The following AP2S1 variants were observed in gnomAD, a reference collection of about 807,000 sequenced individuals.
The protein encoded by AP2S1 is adaptor related protein complex 2 subunit sigma 1.
Under a neutral mutation model 21.0 loss-of-function variants are expected in AP2S1, and 6 were observed. The ratio of observed to expected loss-of-function variants is 0.29; its 90% CI spans 0.16 to 0.56. AP2S1 has a LOEUF of 0.56. AP2S1 is among the 20% of genes least tolerant of loss of function. The probability of loss-of-function intolerance (pLI) is 0.92; values close to 1 mark genes in which losing one functional copy is unlikely to be tolerated. For synonymous variants in AP2S1, 63 were observed against 74.6 expected (o/e 0.84, Z 0.80); for missense variants, 60 against 186.2 (o/e 0.32, Z 3.95).
intron 2 of AP2S1, among the ~76,000 whole-genome samples, chr19:46,842,711 C>T (rs1214471586): frequency 6.6e-6 from 1 of 152,152 alleles, no homozygotes; most frequent in Non-Finnish European, 1.5e-5. Flanking sequence ...ACACCCGACA[C>T]CCAGTTCCTC....
chr19:46,846,065 C>T lies in AP2S1; in HGVS notation c.81G>A (p.Glu27=). The T allele has an allele frequency of 6.2e-7, 1 of 1,614,144 alleles. No homozygotes were observed. The highest frequency in any genetic ancestry group is 1.1e-5 in the South Asian group (1 of 91,086). The change falls in exon 2 of 5, where the codon GAG becomes GAA. Residue 27 remains glutamate (E), a synonymous_variant. Coordinates refer to ENST00000263270, the MANE Select transcript of AP2S1 (RefSeq NM_004069.6). ...GCACCTCCTCGATCAGCTTCTGTTT[C>T]TCATCATCATCAAACTGCATGTACC... The part of the protein sequence containing the change: ...AKWYMQFDDD[E]KQKLIEEVHA...
chr19:46,843,260 A>G (rs1599767003), intron 2 of AP2S1, among the ~76,000 whole-genome samples: 1 of 152,062 alleles, frequency 6.6e-6, no homozygotes, highest in African/African-American at 2.4e-5. Context: ...TGGTCCGGTC[A>G]CCAGCATCTC....
At chr19:46,848,791 G>A (rs1053078450) in intron 1 of AP2S1, among the ~76,000 whole-genome samples, 4 of 152,118 alleles carry the variant, frequency 2.6e-5, no homozygotes, top group African/African-American at 9.7e-5. Flanking sequence ...TCGGTTCACT[G>A]CAACCTCTAC....
rs2055455822 is a variant in AP2S1 at position 46,838,671 on chromosome 19, T to C, written c.327+69A>G. ...GACCTCAGCAGAGGCTCCGGGTGGC[T>C]AGTGCACCACGGGTCCCCCCCGTCC... On this transcript the variant is annotated intron_variant, in intron 4 of 4. Transcript: ENST00000263270. The surrounding 1 kb of genome is among the most constrained non-coding windows in gnomAD (Gnocchi z 4.1). 6.3e-7 allele frequency: 1 copy of C among 1,579,328 alleles called. No individual in the cohort carries two copies. The highest frequency in any genetic ancestry group is 1.3e-5 in the African/African-American group (1 of 74,122).
rs374245663 is a variant in AP2S1 at position 46,838,577 on chromosome 19, C to T, written c.328-29G>A. ...TGTGAGGGGAGACCCTGGGGTGAGA[C>T]GAGGCCCCCCAGGATGCTGGCCCGG... On this transcript the variant is annotated intron_variant, in intron 4 of 4. Coordinates refer to ENST00000263270, the MANE Select transcript of AP2S1 (RefSeq NM_004069.6). The surrounding 1 kb of genome is among the most constrained non-coding windows in gnomAD (Gnocchi z 4.1). The T allele has an allele frequency of 4.2e-5, 68 of 1,612,186 alleles. No homozygotes were observed. In the Middle Eastern group the frequency reaches 1.2e-3, roughly 27 times the overall value.
intron 2 of AP2S1, 200 bp from the exon 3 acceptor site, chr19:46,839,778 A>C: frequency 4.9e-6 from 4 of 824,632 alleles, no homozygotes; most frequent in Non-Finnish European, 7.3e-6. Context: ...CATCCCCAGA[A>C]TGGACAGGAT....
chr19:46,843,007 T>G (rs1044654282), intron 2 of AP2S1, among the ~76,000 whole-genome samples: 1 of 152,078 alleles, frequency 6.6e-6, no homozygotes, highest in Non-Finnish European at 1.5e-5. Context: ...CCTGGACATC[T>G]CTGCTGGGAT....
chr19:46,842,296 C>T (rs958031643), intron 2 of AP2S1, among the ~76,000 whole-genome samples: 1 of 152,126 alleles, frequency 6.6e-6, no homozygotes, highest in African/African-American at 2.4e-5. Flanking sequence ...CAGGCTGGGT[C>T]AGGTGCCCTC....
intron 2 of AP2S1, among the ~76,000 whole-genome samples, chr19:46,843,884 T>C (rs1040649558): frequency 4.6e-5 from 7 of 152,008 alleles, no homozygotes; most frequent in African/African-American, 1.7e-4. Flanking sequence ...CAAGACCGTG[T>C]CTCTAAAAAA....
intron 2 of AP2S1, 159 bp downstream of exon 2, chr19:46,845,834 A>T: frequency 1.2e-6 from 1 of 864,662 alleles, no homozygotes; most frequent in South Asian, 1.8e-5. Flanking sequence ...AAGTACAAGT[A>T]AAGGAAGGGA....
At chr19:46,842,484 T>C (rs2055540549) in intron 2 of AP2S1, among the ~76,000 whole-genome samples, 2 of 152,104 alleles carry the variant, frequency 1.3e-5, no homozygotes, top group African/African-American at 4.8e-5. Context: ...GGTGAATACA[T>C]GCACAAAGGA....
chr19:46,850,695 G>C (rs1409713936), intron 1 of AP2S1, 69 bp downstream of exon 1: 1 of 1,374,320 alleles, frequency 7.3e-7, no homozygotes, highest in Non-Finnish European at 1.0e-6. Context: ...GTCAGCGCCC[G>C]ATCCAGCCTC....
At chr19:46,844,056 A>G (rs147258433) in intron 2 of AP2S1, among the ~76,000 whole-genome samples, 5,057 of 151,978 alleles carry the variant, frequency 0.033, 289 homozygotes, top group African/African-American at 0.12. Context: ...GACTACAGGC[A>G]CCCACGACCA....
chr19:46,846,431 ATCTC>A (rs1015714760), intron 1 of AP2S1, among the ~76,000 whole-genome samples: 14 of 135,958 alleles, frequency 1.0e-4, no homozygotes, highest in African/African-American at 3.1e-4. Flanking sequence ...ACCACCTCTT[ATCTC>A]TCTCTGTTTT....
chr19:46,841,346 C>T (rs760905217), intron 2 of AP2S1, among the ~76,000 whole-genome samples: 1 of 152,196 alleles, frequency 6.6e-6, no homozygotes, highest in Non-Finnish European at 1.5e-5. Flanking sequence ...TGCAATCCAG[C>T]TTTTCTGGCT....
At chr19:46,845,464 A>G (rs2055615337) in intron 2 of AP2S1, among the ~76,000 whole-genome samples, 1 of 151,964 alleles carries the variant, frequency 6.6e-6, no homozygotes, top group African/African-American at 2.4e-5. Context: ...AATAAAAAAT[A>G]AAGACAAGGT....
chr19:46,839,436 C>CCCCCCCAAAAAAA, intron 3 of AP2S1, 29 bp downstream of exon 3: 4 of 1,550,170 alleles, frequency 2.6e-6, no homozygotes, highest in Non-Finnish European at 3.5e-6. Flanking sequence ...CCACCCGCCT[C>CCCCCCCAAAAAAA]CCCACCTTAC....
At position 46,847,933 on chromosome 19, in the gene AP2S1, A is replaced by G. The variant is rs569372048; in HGVS notation, c.4-1791T>C. 9.2e-5 allele frequency among the ~76,000 whole-genome samples: 14 copies of G among 152,084 alleles called. No homozygotes were observed. In the South Asian group the frequency reaches 2.9e-3, roughly 32 times the overall value. On this transcript the variant is annotated intron_variant, in intron 1 of 4. Transcript: ENST00000263270. ...GATGGATCATTTCTCTTGGGTATAT[A>G]CCTAAGAGTGAGATTGCTGGCTCAT... is the stretch of plus-strand genomic sequence containing the variant.
intron 1 of AP2S1, among the ~76,000 whole-genome samples, chr19:46,848,372 G>A (rs1031922856): frequency 2.0e-5 from 3 of 151,974 alleles, no homozygotes; most frequent in African/African-American, 7.2e-5. Flanking sequence ...AGAGCGAGAC[G>A]CTGTCTCAAA....
Sources: allele counts gnomAD v4.1 joint callset (sites outside exome capture counted in the v4.1 genomes callset), GRCh38; gene constraint gnomAD v4.1.1; non-coding constraint Gnocchi (gnomAD v3.1); transcripts MANE v1.5; gene names NCBI Gene and HGNC (gene_info 2026-07-23, HGNC 2026-07-21).